The following CPNE1 variants were observed in gnomAD, a reference collection of about 807,000 sequenced individuals.
The protein encoded by CPNE1 is copine 1, also known as copine-1.
A neutral mutation model predicts 63.2 loss-of-function variants in CPNE1; 58 were observed. The observed-to-expected ratio is 0.92, with a 90% CI of 0.74 to 1.14. The LOEUF (loss-of-function observed/expected upper bound fraction) is 1.14. CPNE1 is among the 50% of genes most tolerant of loss of function. The pLI is 0.00. For missense variants in CPNE1, 672 were observed against 661.7 expected (o/e 1.02, Z -0.17); for synonymous variants, 237 against 249.0 (o/e 0.95, Z 0.45).
At chr20:35,655,092 C>G (rs778007156) in intron 1 of CPNE1, 1 of 1,614,116 alleles carries the variant, frequency 6.2e-7, no homozygotes, top group Admixed American at 1.7e-5. Flanking sequence ...TCTGCATTTC[C>G]GTCTTACTAC....
chr20:35,636,051 T>G (rs2032470091), intron 1 of CPNE1, among the ~76,000 whole-genome samples: 1 of 152,216 alleles, frequency 6.6e-6, no homozygotes, highest in Non-Finnish European at 1.5e-5. Context: ...TAGGGCTCCA[T>G]GGGAAGGCCT....
intron 1 of CPNE1, among the ~76,000 whole-genome samples, chr20:35,640,816 A>G (rs1021513487): frequency 6.6e-6 from 1 of 152,154 alleles, no homozygotes; most frequent in Non-Finnish European, 1.5e-5. Flanking sequence ...GATCCTCAGA[A>G]ATGACCCAAA....
chr20:35,653,987 CAT>C (rs2033722459), intron 1 of CPNE1: 4 of 1,614,124 alleles, frequency 2.5e-6, no homozygotes, highest in East Asian at 2.2e-5. Flanking sequence ...AAATCAATGA[CAT>C]GTTTGTTTTC....
At chr20:35,626,496 G>A in intron 15 of CPNE1, 71 bp downstream of exon 15, 1 of 1,586,590 alleles carries the variant, frequency 6.3e-7, no homozygotes, top group Non-Finnish European at 8.6e-7. Flanking sequence ...AGCATCCCTT[G>A]GGCCTCAACC....
intron 1 of CPNE1, chr20:35,653,327 C>G: frequency 6.2e-7 from 1 of 1,613,998 alleles, no homozygotes; most frequent in Non-Finnish European, 8.5e-7. Flanking sequence ...CCGGGAAGTC[C>G]TGCACTGGGC....
At chr20:35,658,620 G>C (rs1316809340) in intron 1 of CPNE1, among the ~76,000 whole-genome samples, 2 of 152,100 alleles carry the variant, frequency 1.3e-5, no homozygotes, top group African/African-American at 2.4e-5. Context: ...AATTAGCCGG[G>C]TATGGTGGCA....
chr20:35,662,758 G>C (rs1390048408), intron 1 of CPNE1, among the ~76,000 whole-genome samples: 1 of 152,122 alleles, frequency 6.6e-6, no homozygotes, highest in Non-Finnish European at 1.5e-5. Context: ...CCTAAAGACT[G>C]TACTAACAAC....
At chr20:35,632,049 C>T in intron 5 of CPNE1, 24 bp from the exon 6 acceptor site, 1 of 1,612,684 alleles carries the variant, frequency 6.2e-7, no homozygotes, top group African/African-American at 1.3e-5. Flanking sequence ...ACCCCAGTTA[C>T]AAGACTCAGG....
Position 35,637,184 on chromosome 20 carries a change from T to C in CPNE1, c.1-4261A>G, listed in dbSNP as rs532394875. 5.3e-5 allele frequency among the ~76,000 whole-genome samples: 8 copies of C among 152,202 alleles called. No homozygotes were observed. In the South Asian group the frequency reaches 1.7e-3, roughly 32 times the overall value. Reference sequence around the variant, plus strand: ...AACCCCTACCTAACTTCAGGCCTTATTAGTCTCTTGCGTCCTGCTTGGTTT... The same window carrying C: ...AACCCCTACCTAACTTCAGGCCTTACTAGTCTCTTGCGTCCTGCTTGGTTT... On this transcript the variant is annotated intron_variant, in intron 1 of 15. Coordinates refer to ENST00000397443, the MANE Select transcript of CPNE1 (RefSeq NM_152925.3).
At chr20:35,630,313 A>C in intron 13 of CPNE1, 126 bp downstream of exon 13, 1 of 762,236 alleles carries the variant, frequency 1.3e-6, no homozygotes, top group South Asian at 1.8e-5. Context: ...AATTAAACTA[A>C]AATTAAATAA....
chr20:35,650,884 T>C (rs2033460832), intron 1 of CPNE1: 1 of 152,596 alleles, frequency 6.6e-6, no homozygotes, highest in Non-Finnish European at 1.5e-5. Flanking sequence ...ACTGACCCCT[T>C]TGTAACTACG....
intron 1 of CPNE1, among the ~76,000 whole-genome samples, chr20:35,644,311 A>G (rs1449872631): frequency 6.6e-6 from 1 of 152,178 alleles, no homozygotes; most frequent in Non-Finnish European, 1.5e-5. Flanking sequence ...TATAACTAGC[A>G]GGACAGGGAC....
intron 1 of CPNE1, among the ~76,000 whole-genome samples, chr20:35,658,052 G>T (rs965689472): frequency 1.3e-5 from 2 of 151,414 alleles, no homozygotes; most frequent in Admixed American, 6.6e-5. Flanking sequence ...GTCTCAAAAA[G>T]AAATAAATAA....
At chr20:35,629,950 C>T (rs1336943751) in intron 13 of CPNE1, among the ~76,000 whole-genome samples, 1 of 152,170 alleles carries the variant, frequency 6.6e-6, no homozygotes, top group Non-Finnish European at 1.5e-5. Context: ...GCGTGAGCCA[C>T]CACTCCTGGC....
chr20:35,641,321 T>TA (rs1449543726), intron 1 of CPNE1, among the ~76,000 whole-genome samples: 2 of 152,208 alleles, frequency 1.3e-5, no homozygotes, highest in African/African-American at 4.8e-5. Flanking sequence ...GGACTGTTGT[T>TA]AGACTTTTTT....
intron 1 of CPNE1, among the ~76,000 whole-genome samples, chr20:35,641,353 T>A (rs2032794652): frequency 6.6e-6 from 1 of 152,204 alleles, no homozygotes. Context: ...AAAGCCCCCC[T>A]TTTTATATTG....
intron 1 of CPNE1, among the ~76,000 whole-genome samples, chr20:35,639,498 G>T (rs139802427): frequency 6.6e-6 from 1 of 151,924 alleles, no homozygotes; most frequent in African/African-American, 2.4e-5. Flanking sequence ...CATCATGCCC[G>T]GCTAATTTTC....
At chr20:35,654,693 A>G (rs1231612908) in intron 1 of CPNE1, 1 of 1,613,574 alleles carries the variant, frequency 6.2e-7, no homozygotes, top group East Asian at 2.2e-5. Flanking sequence ...CTGGAGGAGG[A>G]ACTGGAATTG....
At chr20:35,633,435 G>A (rs1202477967) in intron 1 of CPNE1, among the ~76,000 whole-genome samples, 3 of 152,160 alleles carry the variant, frequency 2.0e-5, no homozygotes, top group African/African-American at 4.8e-5. Context: ...CTCTTGTGGT[G>A]GAGTTATGAT....
Sources: allele counts gnomAD v4.1 joint callset (sites outside exome capture counted in the v4.1 genomes callset), GRCh38; gene constraint gnomAD v4.1.1; transcripts MANE v1.5; gene names NCBI Gene and HGNC (gene_info 2026-07-23, HGNC 2026-07-21).